OR9Q1: variants seen among roughly 807,000 people sequenced by gnomAD.
The protein encoded by OR9Q1 is olfactory receptor family 9 subfamily Q member 1, also known as olfactory receptor 9Q1.
For synonymous variants in OR9Q1, 153 were observed against 148.6 expected (o/e 1.03, Z -0.22); for missense variants, 374 against 378.8 (o/e 0.99, Z 0.11).
At position 58,124,903 on chromosome 11, in the gene OR9Q1, A is replaced by G. The variant is rs112764246; in HGVS notation, c.-14-54528A>G. Reference sequence around the variant, plus strand: ...GTAGACACATTAGTTCATATAATTCATACAATGATCCTACAAAAAAGGTAT... The same window carrying G: ...GTAGACACATTAGTTCATATAATTCGTACAATGATCCTACAAAAAAGGTAT... On this transcript the variant is annotated intron_variant, in intron 2 of 2. Transcript: ENST00000335397. 2.8e-4 allele frequency among the ~76,000 whole-genome samples: 43 copies of G among 152,292 alleles called. 1 individual carries two copies. The highest frequency in any genetic ancestry group is 8.7e-4 in the African/African-American group (36 of 41,564).
intron 1 of OR9Q1, chr11:58,030,905 T>C (rs1365980292): frequency 8.6e-7 from 1 of 1,165,854 alleles, no homozygotes; most frequent in East Asian, 2.3e-5. Flanking sequence ...CTCTTTGAGC[T>C]CTCATTGTCT....
intron 2 of OR9Q1, among the ~76,000 whole-genome samples, chr11:58,146,084 A>G (rs1465639266): frequency 6.6e-6 from 1 of 152,220 alleles, no homozygotes; most frequent in Non-Finnish European, 1.5e-5. Flanking sequence ...ATTTGCATTA[A>G]TTATTGGAAA....
At chr11:58,054,574 T>C (rs1241930047) in intron 1 of OR9Q1, among the ~76,000 whole-genome samples, 1 of 152,224 alleles carries the variant, frequency 6.6e-6, no homozygotes, top group Non-Finnish European at 1.5e-5. Context: ...TGCATGAAAA[T>C]ACTTGTGCTT....
At chr11:58,069,560 C>G (rs1330316176) in intron 2 of OR9Q1, among the ~76,000 whole-genome samples, 3 of 152,160 alleles carry the variant, frequency 2.0e-5, no homozygotes, top group Non-Finnish European at 2.9e-5. Context: ...GCTATGTCCC[C>G]TGAAGAAAGG....
chr11:58,133,569 C>T (rs1251202480), intron 2 of OR9Q1, among the ~76,000 whole-genome samples: 1 of 152,206 alleles, frequency 6.6e-6, no homozygotes, highest in East Asian at 1.9e-4. Flanking sequence ...GTTTCCTTAT[C>T]TATAACATGG....
At chr11:58,146,957 G>A (rs1052218590) in intron 2 of OR9Q1, among the ~76,000 whole-genome samples, 3 of 152,160 alleles carry the variant, frequency 2.0e-5, no homozygotes, top group Non-Finnish European at 4.4e-5. Context: ...AGTAGAGTGC[G>A]AAATGATCAG....
intron 2 of OR9Q1, among the ~76,000 whole-genome samples, chr11:58,085,751 C>G (rs951160724): frequency 6.6e-6 from 1 of 151,770 alleles, no homozygotes; most frequent in Non-Finnish European, 1.5e-5. Context: ...GGGCTCTTTA[C>G]TATAGACCAT....
intron 2 of OR9Q1, among the ~76,000 whole-genome samples, chr11:58,089,277 G>C (rs1828083924): frequency 6.6e-6 from 1 of 151,660 alleles, no homozygotes; most frequent in African/African-American, 2.4e-5. Context: ...TTATGGTTTT[G>C]GGTTTTACAT....
chr11:58,030,488 A>G (rs1393520768), intron 1 of OR9Q1, among the ~76,000 whole-genome samples: 3 of 152,208 alleles, frequency 2.0e-5, no homozygotes, highest in African/African-American at 7.2e-5. Context: ...GAATCTAGGT[A>G]TGCTTGCTTG....
intron 2 of OR9Q1, among the ~76,000 whole-genome samples, chr11:58,135,549 G>A (rs1854181724): frequency 6.6e-6 from 1 of 152,084 alleles, no homozygotes; most frequent in Admixed American, 6.6e-5. Flanking sequence ...GATTTTAGTG[G>A]CAGAGAGAGA....
chr11:58,054,380 T>C (rs1213923358), intron 1 of OR9Q1, among the ~76,000 whole-genome samples: 6 of 152,186 alleles, frequency 3.9e-5, no homozygotes, highest in Admixed American at 3.9e-4. Flanking sequence ...TTCCTTCTAC[T>C]GTTCTTTTCC....
At chr11:58,136,891 G>A (rs2119856461) in intron 2 of OR9Q1, among the ~76,000 whole-genome samples, 1 of 152,274 alleles carries the variant, frequency 6.6e-6, no homozygotes, top group African/African-American at 2.4e-5. Context: ...TCAGGAGCTG[G>A]CTGTAGTAGC....
intron 2 of OR9Q1, among the ~76,000 whole-genome samples, chr11:58,141,104 A>G (rs1389880936): frequency 6.6e-6 from 1 of 152,184 alleles, no homozygotes; most frequent in Non-Finnish European, 1.5e-5. Flanking sequence ...TTATTGGTGT[A>G]TAAGAACGCT....
chr11:58,122,095 AG>A (rs1016948676), intron 2 of OR9Q1, among the ~76,000 whole-genome samples: 8 of 152,190 alleles, frequency 5.3e-5, no homozygotes, highest in African/African-American at 1.9e-4. Flanking sequence ...ACTTGTGATG[AG>A]GCCCCATCTC....
chr11:58,172,788 C>T (rs1434710412), intron 2 of OR9Q1, among the ~76,000 whole-genome samples: 1 of 152,120 alleles, frequency 6.6e-6, no homozygotes, highest in East Asian at 1.9e-4. Context: ...GGGTATCCAT[C>T]ATCTCAGCCA....
chr11:58,113,830 A>C (rs972950828), intron 2 of OR9Q1, among the ~76,000 whole-genome samples: 15 of 152,084 alleles, frequency 9.9e-5, no homozygotes, highest in African/African-American at 2.4e-5. Context: ...TTATGTTCAA[A>C]AATTGGAAAG....
intron 2 of OR9Q1, among the ~76,000 whole-genome samples, chr11:58,137,219 A>C (rs948149837): frequency 6.6e-6 from 1 of 152,242 alleles, no homozygotes; most frequent in African/African-American, 2.4e-5. Context: ...ATTAAAAATG[A>C]GGAGTAAGAT....
intron 1 of OR9Q1, among the ~76,000 whole-genome samples, chr11:58,040,215 G>C (rs1853147471): frequency 6.6e-6 from 1 of 152,194 alleles, no homozygotes; most frequent in Non-Finnish European, 1.5e-5. Flanking sequence ...TAAAAGGACA[G>C]AGTGGACTGG....
intron 2 of OR9Q1, among the ~76,000 whole-genome samples, chr11:58,101,223 A>T (rs572676993): frequency 3.3e-5 from 5 of 152,198 alleles, no homozygotes; most frequent in Non-Finnish European, 5.9e-5. Flanking sequence ...ACTGTTTTCC[A>T]TAGAGGTTGA....
Sources: gnomAD v4.1 joint callset for allele counts (sites outside exome capture counted in the v4.1 genomes callset) on GRCh38, gnomAD v4.1.1 for gene constraint, MANE v1.5 for transcripts, NCBI Gene and HGNC (gene_info 2026-07-23, HGNC 2026-07-21) for gene names.